The following FGD4 variants were observed in gnomAD, a reference collection of about 807,000 sequenced individuals.
The protein encoded by FGD4 is FYVE, RhoGEF and PH domain containing 4.
A neutral mutation model predicts 102.0 loss-of-function variants in FGD4; 42 were observed. The observed-to-expected ratio is 0.41, with a 90% CI of 0.32 to 0.53. The LOEUF (loss-of-function observed/expected upper bound fraction) is 0.53, where lower values mean the gene tolerates loss of function less well. Among genes scored for constraint, FGD4 ranks in the 20% least tolerant of loss-of-function variants. The pLI is 0.21. For synonymous variants in FGD4, 380 were observed against 375.7 expected (o/e 1.01, Z -0.13); for missense variants, 902 against 1,078.2 (o/e 0.84, Z 2.29).
chr12:32,527,299 C>T (rs1210229836), intron 1 of FGD4, among the ~76,000 whole-genome samples: 1 of 152,186 alleles, frequency 6.6e-6, no homozygotes, highest in Non-Finnish European at 1.5e-5. Flanking sequence ...CGAAGGGTGT[C>T]TATCAGGGAG....
At chr12:32,612,525 T>G (rs1949207477) in intron 10 of FGD4, among the ~76,000 whole-genome samples, 1 of 152,218 alleles carries the variant, frequency 6.6e-6, no homozygotes, top group Non-Finnish European at 1.5e-5. Flanking sequence ...ATAATTTACT[T>G]CAGTAGCACA....
intron 1 of FGD4, among the ~76,000 whole-genome samples, chr12:32,449,231 T>G (rs1168828344): frequency 6.6e-6 from 1 of 152,230 alleles, no homozygotes; most frequent in African/African-American, 2.4e-5. Context: ...TGCACCTACA[T>G]AGCTGTAATA....
chr12:32,543,947 G>A (rs1362197862), intron 1 of FGD4, among the ~76,000 whole-genome samples: 1 of 152,068 alleles, frequency 6.6e-6, no homozygotes, highest in Non-Finnish European at 1.5e-5. Context: ...AGAGATTTAA[G>A]TGCTGTCCTT....
chr12:32,416,519 T>C (rs1402358870), intron 1 of FGD4, among the ~76,000 whole-genome samples: 1 of 152,164 alleles, frequency 6.6e-6, no homozygotes, highest in Non-Finnish European at 1.5e-5. Context: ...ACGTTGGACA[T>C]GCACACAATG....
At chr12:32,629,218 G>A (rs1439588443) in intron 14 of FGD4, among the ~76,000 whole-genome samples, 1 of 152,204 alleles carries the variant, frequency 6.6e-6, no homozygotes, top group African/African-American at 2.4e-5. Context: ...AATGAAGAAA[G>A]AGTTGAGGAA....
intron 2 of FGD4, among the ~76,000 whole-genome samples, chr12:32,569,142 A>G (rs1945436216): frequency 6.6e-6 from 1 of 152,092 alleles, no homozygotes; most frequent in Non-Finnish European, 1.5e-5. Flanking sequence ...TACTTTAAAA[A>G]TTTACCTAGA....
rs1941088893 is a variant in FGD4, at chr12:32,409,205, C to T, written c.166+9246C>T. Among the ~76,000 whole-genome samples, 6 of 151,984 alleles carry T rather than the reference C, an allele frequency of 3.9e-5. No individual in the cohort carries two copies. In the South Asian group the frequency reaches 1.2e-3, roughly 32 times the overall value. ...CTTCATTTCACATTGAATGTTTTTGCCTTATTTTTGGCCTATTTCTCAACA... is the reference window on the plus strand; with the variant it reads ...CTTCATTTCACATTGAATGTTTTTGTCTTATTTTTGGCCTATTTCTCAACA... On this transcript the variant is annotated intron_variant, in intron 1 of 16. Transcript: ENST00000534526.
rs1294007073 is a variant in FGD4, at chr12:32,641,563, A to G, written c.*1030A>G. 6.6e-6 allele frequency: 1 copy of G among 152,182 alleles called. No individual in the cohort carries two copies. The highest frequency in any genetic ancestry group is 1.5e-5 in the Non-Finnish European group (1 of 68,022). 9.4% of individuals were successfully genotyped at this position (152,182 alleles called of 1,614,324 possible). A position where few individuals can be genotyped will look rare whatever the true frequency, so the allele number is the denominator to read the frequency against. The stretch of plus-strand genomic sequence containing the variant: ...CCGTTTACAATCCTATAATTATTGC[A>G]GTAGTTAACATCAGCATGTACAAAC... On this transcript the variant is annotated 3_prime_UTR_variant, in exon 17 of 17. Transcript: ENST00000534526.
chr12:32,497,072 T>C (rs1464671970), intron 1 of FGD4, among the ~76,000 whole-genome samples: 1 of 152,184 alleles, frequency 6.6e-6, no homozygotes, highest in African/African-American at 2.4e-5. Flanking sequence ...GCTAAAAATA[T>C]AAGACCTCCT....
chr12:32,488,173 AG>A (rs1239387869), intron 1 of FGD4, among the ~76,000 whole-genome samples: 1 of 151,360 alleles, frequency 6.6e-6, no homozygotes, highest in East Asian at 1.9e-4. Context: ...ATTCAGCCAC[AG>A]GAAAAAAAAA....
Position 32,576,321 on chromosome 12 carries a change from C to A in FGD4, c.375C>A (p.Thr125=). Residue 125 remains threonine (T), a synonymous_variant, in exon 3 of 17, where the codon ACC becomes ACA. Coordinates refer to ENST00000534526, the MANE Select transcript of FGD4 (RefSeq NM_001370298.3). Reference sequence around the variant, plus strand: ...CACCTTCGTCCAATATACACCAAACCCCCAGGCATAAAGCTTTACCTAGTG... The same window carrying A: ...CACCTTCGTCCAATATACACCAAACACCCAGGCATAAAGCTTTACCTAGTG... ...QNSPSSNIHQ[T]PRHKALPSAK... is the part of the protein sequence containing the mutation. The A allele has an allele frequency of 6.2e-7, 1 of 1,613,760 alleles. No individual in the cohort carries two copies. Among genetic ancestry groups the A allele is most frequent in the South Asian group, 1.1e-5 (1 of 91,042 alleles).
intron 16 of FGD4, 109 bp from the exon 17 acceptor site, chr12:32,640,166 GT>G: frequency 6.4e-7 from 1 of 1,554,822 alleles, no homozygotes; most frequent in Non-Finnish European, 8.8e-7. Flanking sequence ...AGAACTCACC[GT>G]TTAAGTCTGT....
rs1949690181 is a variant in FGD4 at position 32,619,794 on chromosome 12, G to A, written c.1846G>A (p.Val616Ile). ...TRVGIDGMKI[V>I]ETQNEEYPHT... ...GGTTGGCATTGATGGAATGAAAATT[G>A]TAGAGACTCAAAATGAAGAATATCC... The change falls in exon 11 of 17, where the codon GTA becomes ATA. Residue 616 changes from valine (V) to isoleucine (I), a missense_variant. By Grantham distance (29) the Val-to-Ile change is conservative (BLOSUM62 3). Coordinates refer to ENST00000534526, the MANE Select transcript of FGD4 (RefSeq NM_001370298.3). 6.2e-7 allele frequency: 1 copy of A among 1,614,054 alleles called. No individual in the cohort carries two copies. The highest frequency in any genetic ancestry group is 8.5e-7 in the Non-Finnish European group (1 of 1,180,046).
rs1940578617 is a variant in FGD4, at chr12:32,399,975, C to A, written c.166+16C>A. 2 of 1,445,276 alleles carry A rather than the reference C, an allele frequency of 1.4e-6. No homozygotes were observed. Among genetic ancestry groups the A allele is most frequent in the Non-Finnish European group, 1.8e-6 (2 of 1,105,610 alleles). 89.5% of individuals were successfully genotyped at this position (1,445,276 alleles called of 1,614,324 possible). A position where few individuals can be genotyped will look rare whatever the true frequency, so the allele number is the denominator to read the frequency against. On this transcript the variant is annotated intron_variant, in intron 1 of 16. Transcript: ENST00000534526. Reference sequence around the variant, plus strand: ...GGAGCCACAGGTAAGCGCCTCGGGGCGCGGGGGAAGGGTGGCCCCGGCGCG... The same window carrying A: ...GGAGCCACAGGTAAGCGCCTCGGGGAGCGGGGGAAGGGTGGCCCCGGCGCG...
At chr12:32,555,075 C>T (rs1943979991) in intron 1 of FGD4, among the ~76,000 whole-genome samples, 1 of 152,202 alleles carries the variant, frequency 6.6e-6, no homozygotes, top group Non-Finnish European at 1.5e-5. Context: ...AGGGAAGGAG[C>T]AGGGGTCTTA....
At chr12:32,623,877 T>G (rs1332357842) in intron 11 of FGD4, among the ~76,000 whole-genome samples, 1 of 152,186 alleles carries the variant, frequency 6.6e-6, no homozygotes, top group Non-Finnish European at 1.5e-5. Context: ...CATTTAAAAT[T>G]TTTATATGCT....
intron 1 of FGD4, among the ~76,000 whole-genome samples, chr12:32,429,978 A>G (rs1054679805): frequency 2.0e-5 from 3 of 152,116 alleles, no homozygotes; most frequent in Non-Finnish European, 4.4e-5. Flanking sequence ...CAAAAAAAAA[A>G]AAGGACATTT....
intron 1 of FGD4, among the ~76,000 whole-genome samples, chr12:32,454,305 A>G (rs1465726910): frequency 6.6e-6 from 1 of 152,202 alleles, no homozygotes; most frequent in Non-Finnish European, 1.5e-5. Flanking sequence ...TACCTTCATT[A>G]AGGGATTAGC....
Position 32,582,072 on chromosome 12 carries a change from C to G in FGD4, c.616C>G (p.Gln206Glu). 1 of 1,614,176 alleles carries G rather than the reference C, an allele frequency of 6.2e-7. No homozygotes were observed. ...CACACCTCAACAAAAACTCCTCTCC[C>G]AGCACTTGCCACAGAGGCAGGGAAA... The part of the protein sequence containing the change: ...TTTPQQKLLS[Q>E]HLPQRQGNDT... The change falls in exon 4 of 17, where the codon CAG becomes GAG. Residue 206 changes from glutamine to glutamate, a missense_variant. Gln to Glu is a conservative substitution (Grantham distance 29). Around this residue, in one of 2 missense-constraint regions of FGD4, gnomAD observed 443 missense variants for 459.2 expected, o/e 0.96. Coordinates refer to ENST00000534526, the MANE Select transcript of FGD4 (RefSeq NM_001370298.3).
Sources: allele counts gnomAD v4.1 joint callset (sites outside exome capture counted in the v4.1 genomes callset), GRCh38; gene constraint gnomAD v4.1.1; regional missense constraint gnomAD v4.1.1; transcripts MANE v1.5; gene names NCBI Gene and HGNC (gene_info 2026-07-23, HGNC 2026-07-21).